Variants in CHL1 observed in about 807,000 individuals in gnomAD.
CHL1 encodes cell adhesion molecule L1 like.
A neutral mutation model predicts 141.9 loss-of-function variants in CHL1; 96 were observed. The ratio of observed to expected loss-of-function variants is 0.68; its 90% CI spans 0.57 to 0.80. The LOEUF is 0.80. Ranked by LOEUF, CHL1 falls within the 30% of genes least tolerant of loss-of-function variation. The pLI, the probability that CHL1 is intolerant of heterozygous loss-of-function variation, is 0.00. For synonymous variants in CHL1, 613 were observed against 502.2 expected (o/e 1.22, Z -2.95); for missense variants, 1,820 against 1,457.2 (o/e 1.25, Z -4.05).
rs1340424095 is a variant in CHL1, at chr3:382,294, G to A, written c.1978+14G>A. The stretch of plus-strand genomic sequence containing the variant: ...GCAATATTAGCGGTAGGAAGACTTG[G>A]GATAACTGTTTTCATTACTCTAGAT... On this transcript the variant is annotated intron_variant, in intron 17 of 27. Coordinates refer to ENST00000256509, the MANE Select transcript of CHL1 (RefSeq NM_006614.4). 2.5e-6 allele frequency: 4 copies of A among 1,607,264 alleles called. No homozygotes were observed. The highest frequency in any genetic ancestry group is 3.4e-6 in the Non-Finnish European group (4 of 1,174,448).
At chr3:394,370 G>A (rs1340057351) in intron 23 of CHL1, among the ~76,000 whole-genome samples, 1 of 152,088 alleles carries the variant, frequency 6.6e-6, no homozygotes, top group Non-Finnish European at 1.5e-5. Context: ...GTATTATGAA[G>A]CTGGAGCAGC....
intron 15 of CHL1, chr3:373,568 G>C (rs1175769397): frequency 6.6e-6 from 1 of 152,398 alleles, no homozygotes; most frequent in Admixed American, 6.5e-5. Context: ...GTGATTCCCA[G>C]TGCTGGCTGC....
chr3:266,626 G>A (rs977505725), intron 2 of CHL1, among the ~76,000 whole-genome samples: 1 of 152,148 alleles, frequency 6.6e-6, no homozygotes, highest in Admixed American at 6.5e-5. Flanking sequence ...GATAGTGATT[G>A]TGTGGTTTTC....
At chr3:251,165 G>A (rs1483816685) in intron 2 of CHL1, among the ~76,000 whole-genome samples, 3 of 152,056 alleles carry the variant, frequency 2.0e-5, no homozygotes, top group African/African-American at 7.2e-5. Context: ...AAACCAGAAA[G>A]TAAGACTAGA....
Position 302,520 on chromosome 3 carries a change from G to A in CHL1, c.-94-17163G>A, listed in dbSNP as rs143013587. ...AGTGATGATGAGCATTTTTTCATAT[G>A]TCTGTTGGCTGCATAAATGTCTTCT... On this transcript the variant is annotated intron_variant, in intron 2 of 27. Coordinates refer to ENST00000256509, the MANE Select transcript of CHL1 (RefSeq NM_006614.4). 3.5e-3 allele frequency among the ~76,000 whole-genome samples: 529 copies of A among 152,280 alleles called. 7 individuals are homozygous for A. Among genetic ancestry groups the A allele is most frequent in the African/African-American group, 0.012 (504 of 41,554 alleles).
intron 1 of CHL1, among the ~76,000 whole-genome samples, chr3:203,023 C>A (rs1311777244): frequency 6.6e-6 from 1 of 152,212 alleles, no homozygotes; most frequent in Non-Finnish European, 1.5e-5. Flanking sequence ...GTTTTGCCTG[C>A]AGACTTCCAA....
At chr3:359,260 C>T (rs947702846) in intron 11 of CHL1, among the ~76,000 whole-genome samples, 1 of 151,814 alleles carries the variant, frequency 6.6e-6, no homozygotes, top group Non-Finnish European at 1.5e-5. Context: ...GTTTTTGGTC[C>T]TTAAATGCAT....
At chr3:387,637 T>C (rs1403811982) in intron 19 of CHL1, among the ~76,000 whole-genome samples, 1 of 152,232 alleles carries the variant, frequency 6.6e-6, no homozygotes, top group Admixed American at 6.5e-5. Context: ...ACACACTTAT[T>C]GTCAGCAGAG....
chr3:240,331 ATT>A (rs1692433620), intron 1 of CHL1, among the ~76,000 whole-genome samples: 1 of 152,048 alleles, frequency 6.6e-6, no homozygotes, highest in Non-Finnish European at 1.5e-5. Flanking sequence ...TTTGATTTGC[ATT>A]TCCCTGATCA....
At chr3:378,715 C>A (rs1706659377) in intron 16 of CHL1, among the ~76,000 whole-genome samples, 1 of 152,108 alleles carries the variant, frequency 6.6e-6, no homozygotes, top group Non-Finnish European at 1.5e-5. Context: ...CTACTCCATC[C>A]CTGTGGACTG....
chr3:399,002 C>G lies in CHL1; in HGVS notation c.3254-15C>G, dbSNP rs755819849. On this transcript the variant is annotated splice_polypyrimidine_tract_variant and intron_variant, in intron 25 of 27. Transcript: ENST00000256509. Reference sequence around the variant, plus strand: ...TTTCTAGTTTACAATGCTGTGACTTCTCTTTCTACCACAGAATATGCTGGT... The same window carrying G: ...TTTCTAGTTTACAATGCTGTGACTTGTCTTTCTACCACAGAATATGCTGGT... 1.2e-6 allele frequency: 2 copies of G among 1,611,600 alleles called. No homozygotes were observed. Among genetic ancestry groups the G allele is most frequent in the Non-Finnish European group, 1.7e-6 (2 of 1,178,270 alleles).
chr3:241,838 T>C (rs1692596823), intron 1 of CHL1, among the ~76,000 whole-genome samples: 1 of 150,292 alleles, frequency 6.7e-6, no homozygotes, highest in Non-Finnish European at 1.5e-5. Flanking sequence ...TAAGGGACTT[T>C]GAAAAAAAAA....
chr3:340,658 G>C (rs1702277360), intron 5 of CHL1, 136 bp from the exon 6 acceptor site: 1 of 680,452 alleles, frequency 1.5e-6, no homozygotes, highest in Non-Finnish European at 2.5e-6. Context: ...CTGAAGGGGA[G>C]ATGTAAGAAC....
At chr3:252,030 A>G (rs1456004683) in intron 2 of CHL1, among the ~76,000 whole-genome samples, 1 of 152,076 alleles carries the variant, frequency 6.6e-6, no homozygotes, top group East Asian at 1.9e-4. Context: ...AACCAACCAT[A>G]AGGTTAAACT....
At chr3:198,982 A>G (rs1308829331) in intron 1 of CHL1, among the ~76,000 whole-genome samples, 2 of 152,216 alleles carry the variant, frequency 1.3e-5, no homozygotes, top group Non-Finnish European at 2.9e-5. Flanking sequence ...GAAAATAAAA[A>G]GTTTATCCCA....
intron 1 of CHL1, among the ~76,000 whole-genome samples, chr3:228,163 G>A (rs927670829): frequency 1.3e-5 from 2 of 152,176 alleles, no homozygotes; most frequent in African/African-American, 2.4e-5. Flanking sequence ...TTATTGGAAT[G>A]TATAGTCTTA....
chr3:281,957 C>T (rs1450534303), intron 2 of CHL1, among the ~76,000 whole-genome samples: 1 of 152,208 alleles, frequency 6.6e-6, no homozygotes, highest in Non-Finnish European at 1.5e-5. Context: ...ATTTCAAAAA[C>T]TATTCTGCTA....
At chr3:353,703 G>T (rs1024021002) in intron 10 of CHL1, among the ~76,000 whole-genome samples, 2 of 151,680 alleles carry the variant, frequency 1.3e-5, no homozygotes, top group Non-Finnish European at 2.9e-5. Flanking sequence ...TTTTTTCATT[G>T]TATACATACA....
At position 383,830 on chromosome 3, in the gene CHL1, C is replaced by G; in HGVS notation, c.2191C>G (p.Pro731Ala). The G allele has an allele frequency of 6.2e-7, 1 of 1,609,408 alleles. No homozygotes were observed. Among genetic ancestry groups the G allele is most frequent in the Non-Finnish European group, 8.5e-7 (1 of 1,177,360 alleles). The change falls in exon 19 of 28, where the codon CCA becomes GCA. Residue 731 changes from proline (P) to alanine (A), a missense_variant. Physicochemically the swap from Pro to Ala is conservative, Grantham distance 27. Coordinates refer to ENST00000256509, the MANE Select transcript of CHL1 (RefSeq NM_006614.4). ...ETPPAAPDRNPQNIRVQASQP... is the reference protein window; with the variant it reads ...ETPPAAPDRNAQNIRVQASQP... Reference sequence around the variant, plus strand: ...TAATTTTTCAGCTCCAGATAGGAATCCACAAAACATAAGGGTTCAAGCCTC... The same window carrying G: ...TAATTTTTCAGCTCCAGATAGGAATGCACAAAACATAAGGGTTCAAGCCTC...
Sources: gnomAD v4.1 joint callset for allele counts (sites outside exome capture counted in the v4.1 genomes callset) on GRCh38, gnomAD v4.1.1 for gene constraint, MANE v1.5 for transcripts, NCBI Gene and HGNC (gene_info 2026-07-23, HGNC 2026-07-21) for gene names.